TAFA4: variants seen among roughly 807,000 people sequenced by gnomAD.
The protein encoded by TAFA4 is TAFA chemokine like family member 4.
In TAFA4, 20 loss-of-function variants were observed where a neutral mutation model predicts 21.1. The observed-to-expected ratio is 0.95, with a 90% CI of 0.67 to 1.38. The LOEUF (loss-of-function observed/expected upper bound fraction) is 1.38, where lower values mean the gene tolerates loss of function less well. Ranked by LOEUF, TAFA4 falls within the 40% of genes most tolerant of loss-of-function variation. TAFA4 has a pLI of 0.00. For synonymous variants in TAFA4, 71 were observed against 67.4 expected, an observed-to-expected ratio of 1.05 and a Z score of -0.26; for missense variants, 211 against 180.9, an observed-to-expected ratio of 1.17 and a Z score of -0.95.
intron 3 of TAFA4, among the ~76,000 whole-genome samples, chr3:68,770,824 C>A (rs530637828): frequency 2.6e-4 from 39 of 152,310 alleles, no homozygotes; most frequent in Admixed American, 7.8e-4. Context: ...CACCCTCGGG[C>A]CTGTGCCCAT....
intron 3 of TAFA4, among the ~76,000 whole-genome samples, chr3:68,793,722 G>A (rs114139336): frequency 0.023 from 3,430 of 152,148 alleles, 128 homozygotes; most frequent in African/African-American, 0.079. Flanking sequence ...CTTGAGTTAC[G>A]GACTTTAAAA....
chr3:68,746,145 AG>A (rs1200409352), intron 4 of TAFA4, among the ~76,000 whole-genome samples: 1 of 152,094 alleles, frequency 6.6e-6, no homozygotes, highest in Admixed American at 6.5e-5. Context: ...GTGGTTTCCC[AG>A]GGGCTCTGGG....
At chr3:68,763,399 CA>C (rs1702790889) in intron 3 of TAFA4, among the ~76,000 whole-genome samples, 1 of 152,070 alleles carries the variant, frequency 6.6e-6, no homozygotes, top group Non-Finnish European at 1.5e-5. Context: ...CTTCCTACAC[CA>C]AAAAGATATA....
At chr3:68,807,569 C>T (rs958985815) in intron 3 of TAFA4, among the ~76,000 whole-genome samples, 1 of 152,184 alleles carries the variant, frequency 6.6e-6, no homozygotes, top group African/African-American at 2.4e-5. Flanking sequence ...TCTTAATGAT[C>T]TGCAGGGCAT....
chr3:68,796,544 GAAGA>G (rs1319083103), intron 3 of TAFA4, among the ~76,000 whole-genome samples: 22 of 152,100 alleles, frequency 1.4e-4, no homozygotes, highest in Non-Finnish European at 2.6e-4. Context: ...TAAACTCTTA[GAAGA>G]AACAGGGAAA....
chr3:68,832,672 T>C (rs1216315726), intron 3 of TAFA4, among the ~76,000 whole-genome samples: 1 of 152,198 alleles, frequency 6.6e-6, no homozygotes, highest in East Asian at 1.9e-4. Context: ...GTCTGTCCAT[T>C]ATCAGAGCTT....
At chr3:68,914,464 C>A (rs538997933) in intron 1 of TAFA4, among the ~76,000 whole-genome samples, 1 of 152,218 alleles carries the variant, frequency 6.6e-6, no homozygotes, top group South Asian at 2.1e-4. Context: ...TTGTAAATTG[C>A]ACCTCAAGTT....
intron 3 of TAFA4, among the ~76,000 whole-genome samples, chr3:68,797,968 A>G (rs1559524310): frequency 6.6e-6 from 1 of 152,220 alleles, no homozygotes; most frequent in Non-Finnish European, 1.5e-5. Context: ...GCATTTCACT[A>G]CAATTTTTTA....
rs945227220 is a variant in TAFA4 at position 68,732,122 on chromosome 3, G to A, written c.*1020C>T. 1 of 152,588 alleles carries A rather than the reference G, an allele frequency of 6.6e-6. No homozygotes were observed. The highest frequency in any genetic ancestry group is 1.5e-5 in the Non-Finnish European group (1 of 68,034). 9.5% of individuals were successfully genotyped at this position (152,588 alleles called of 1,614,324 possible). Reference sequence around the variant, plus strand: ...AGCATTTGAGAATATGTGGAGACATGTCTGCTGCAAAATCATTAAGCCAAT... The same window carrying A: ...AGCATTTGAGAATATGTGGAGACATATCTGCTGCAAAATCATTAAGCCAAT... On this transcript the variant is annotated 3_prime_UTR_variant, in exon 6 of 6. Transcript: ENST00000295569.
intron 3 of TAFA4, among the ~76,000 whole-genome samples, chr3:68,772,144 A>G (rs1271534485): frequency 1.3e-5 from 2 of 152,240 alleles, no homozygotes; most frequent in Admixed American, 6.5e-5. Flanking sequence ...AAGCAAGACC[A>G]TATGGAATTC....
chr3:68,858,577 CGTGTGTGTGTGT>C (rs4065047), intron 3 of TAFA4, among the ~76,000 whole-genome samples: 34 of 146,156 alleles, frequency 2.3e-4, no homozygotes, highest in African/African-American at 7.1e-4. Flanking sequence ...TTCCAAGTGA[CGTGTGTGTGTGT>C]GTGTGTGTGT....
intron 5 of TAFA4, among the ~76,000 whole-genome samples, chr3:68,737,964 C>T (rs1372031699): frequency 1.3e-5 from 2 of 152,170 alleles, no homozygotes; most frequent in Non-Finnish European, 2.9e-5. Flanking sequence ...CCAAGGCATT[C>T]ATCTGGCTCT....
At chr3:68,835,712 G>A (rs910744954) in intron 3 of TAFA4, among the ~76,000 whole-genome samples, 3 of 152,176 alleles carry the variant, frequency 2.0e-5, no homozygotes, top group Admixed American at 6.5e-5. Flanking sequence ...GACATAATTA[G>A]GTCACTGGGG....
At chr3:68,744,915 A>G (rs1346274210) in intron 4 of TAFA4, among the ~76,000 whole-genome samples, 1 of 152,190 alleles carries the variant, frequency 6.6e-6, no homozygotes, top group African/African-American at 2.4e-5. Context: ...CTGCCCTGAA[A>G]TGTAAAGGAG....
At chr3:68,870,919 CT>C (rs1477712526) in intron 3 of TAFA4, among the ~76,000 whole-genome samples, 1 of 152,098 alleles carries the variant, frequency 6.6e-6, no homozygotes, top group South Asian at 2.1e-4. Context: ...TGAACTCATT[CT>C]TTTTTATGGC....
chr3:68,822,684 C>T (rs900936225), intron 3 of TAFA4, among the ~76,000 whole-genome samples: 3 of 152,092 alleles, frequency 2.0e-5, no homozygotes, highest in African/African-American at 7.2e-5. Context: ...TTCAGGGAGG[C>T]TGGTTTCCAG....
At chr3:68,770,632 T>C (rs750817452) in intron 3 of TAFA4, among the ~76,000 whole-genome samples, 4 of 152,196 alleles carry the variant, frequency 2.6e-5, no homozygotes, top group Non-Finnish European at 5.9e-5. Context: ...AATCTCCAGA[T>C]TATCCTTCAT....
chr3:68,791,712 G>C (rs1177088487), intron 3 of TAFA4, among the ~76,000 whole-genome samples: 1 of 152,170 alleles, frequency 6.6e-6, no homozygotes, highest in Non-Finnish European at 1.5e-5. Context: ...ATGAAGCAGA[G>C]ATCTCAAACT....
At chr3:68,839,191 T>C (rs1233623393) in intron 3 of TAFA4, among the ~76,000 whole-genome samples, 7 of 152,068 alleles carry the variant, frequency 4.6e-5, no homozygotes, top group Non-Finnish European at 8.8e-5. Flanking sequence ...TGCTGTAAAA[T>C]GGGGAGCAAT....
Sources: allele counts gnomAD v4.1 joint callset (sites outside exome capture counted in the v4.1 genomes callset), GRCh38; gene constraint gnomAD v4.1.1; transcripts MANE v1.5; gene names NCBI Gene and HGNC (gene_info 2026-07-23, HGNC 2026-07-21).